Variants in LARP4B observed in about 807,000 individuals in gnomAD.
The protein encoded by LARP4B is la-related protein 4B.
LARP4B carries 12 observed loss-of-function variants against 89.8 expected under a neutral mutation model. The observed-to-expected ratio is 0.13, with a 90% CI of 0.09 to 0.22. The LOEUF (loss-of-function observed/expected upper bound fraction) is 0.22. LARP4B is among the 10% of genes least tolerant of loss of function. The probability of loss-of-function intolerance (pLI) is 1.00; values close to 1 mark genes in which losing one functional copy is unlikely to be tolerated. For synonymous variants in LARP4B, 367 were observed against 363.3 expected, an observed-to-expected ratio of 1.01 and a Z score of -0.12; for missense variants, 757 against 947.7, an observed-to-expected ratio of 0.80 and a Z score of 2.64.
intron 3 of LARP4B, among the ~76,000 whole-genome samples, chr10:881,866 G>A (rs139246351): frequency 3.3e-5 from 5 of 152,296 alleles, no homozygotes; most frequent in East Asian, 1.9e-4. Flanking sequence ...TGTATCTCAC[G>A]CTCATCTGAA....
upstream of LARP4B, among the ~76,000 whole-genome samples, chr10:933,864 C>CGAGA (rs1327104568): frequency 6.6e-6 from 1 of 151,754 alleles, no homozygotes; most frequent in Non-Finnish European, 1.5e-5. Flanking sequence ...ACTGACTCTC[C>CGAGA]CTCTGTCACC....
At position 810,614 on chromosome 10, in the gene LARP4B, A is replaced by G. The variant is rs1404351433; in HGVS notation, c.*2312T>C. 1 of 152,234 alleles carries G rather than the reference A, an allele frequency of 6.6e-6. No individual in the cohort carries two copies. Among genetic ancestry groups the G allele is most frequent in the African/African-American group, 2.4e-5 (1 of 41,452 alleles). 9.4% of individuals were successfully genotyped at this position (152,234 alleles called of 1,614,324 possible). ...ACCTTGGGGGAAAGGACTTCTCATT[A>G]TTAAAAACCAAGGACTCACTGGCGG... On this transcript the variant is annotated 3_prime_UTR_variant, in exon 18 of 18. Coordinates refer to ENST00000316157, the MANE Select transcript of LARP4B (RefSeq NM_015155.3).
chr10:944,466 T>A, the LARP4B span, among the ~76,000 whole-genome samples: 1 of 152,190 alleles, frequency 6.6e-6, no homozygotes, highest in Non-Finnish European at 1.5e-5. Flanking sequence ...CCCTGCCCTG[T>A]CACCCCCAAG....
intron 3 of LARP4B, among the ~76,000 whole-genome samples, chr10:865,532 C>A (rs558869861): frequency 2.0e-5 from 3 of 152,336 alleles, no homozygotes; most frequent in East Asian, 1.9e-4. Context: ...TCTGGGCACA[C>A]TGGCACTTTT....
chr10:848,012 G>GA (rs1023321848), intron 5 of LARP4B, among the ~76,000 whole-genome samples: 4 of 152,216 alleles, frequency 2.6e-5, no homozygotes, highest in African/African-American at 9.6e-5. Flanking sequence ...GAGCTCCAGA[G>GA]AACCACAGGG....
chr10:889,544 TTC>T (rs1339663802), intron 1 of LARP4B, among the ~76,000 whole-genome samples: 2 of 152,256 alleles, frequency 1.3e-5, no homozygotes, highest in Non-Finnish European at 2.9e-5. Flanking sequence ...AGGAACTGAC[TTC>T]TTTCTCATCA....
At chr10:887,893 C>G (rs1054759081) in intron 1 of LARP4B, among the ~76,000 whole-genome samples, 2 of 151,456 alleles carry the variant, frequency 1.3e-5, no homozygotes, top group African/African-American at 2.4e-5. Flanking sequence ...CATGGTGGCA[C>G]ATGCCTGTAT....
chr10:839,950 C>T (rs1833440899), intron 7 of LARP4B, among the ~76,000 whole-genome samples: 1 of 152,172 alleles, frequency 6.6e-6, no homozygotes, highest in Non-Finnish European at 1.5e-5. Context: ...GAGAATACTT[C>T]CCAGCAAAAA....
chr10:856,937 G>C (rs1834336093), intron 5 of LARP4B, among the ~76,000 whole-genome samples: 2 of 152,076 alleles, frequency 1.3e-5, no homozygotes, highest in South Asian at 4.1e-4. Flanking sequence ...CCACCTAAGA[G>C]GGGAGGAAAG....
intron 1 of LARP4B, among the ~76,000 whole-genome samples, chr10:889,283 G>A (rs1442650578): frequency 2.0e-5 from 3 of 151,984 alleles, no homozygotes; most frequent in South Asian, 4.2e-4. Flanking sequence ...CCAGTTCAGG[G>A]TAACAGGTGG....
At chr10:867,879 A>C (rs562030569) in intron 3 of LARP4B, among the ~76,000 whole-genome samples, 6 of 151,126 alleles carry the variant, frequency 4.0e-5, no homozygotes, top group African/African-American at 7.3e-5. Flanking sequence ...AAAAAAAAAA[A>C]AAAAAAACTC....
At chr10:841,454 C>T (rs896735669) in intron 7 of LARP4B, among the ~76,000 whole-genome samples, 2 of 152,188 alleles carry the variant, frequency 1.3e-5, no homozygotes, top group Non-Finnish European at 2.9e-5. Flanking sequence ...TGCCCTGGAT[C>T]GCCTATGGGC....
the LARP4B span, among the ~76,000 whole-genome samples, chr10:964,198 C>T: frequency 6.6e-6 from 1 of 152,142 alleles, no homozygotes; most frequent in Non-Finnish European, 1.5e-5. Flanking sequence ...TCCCATGTAG[C>T]TGTGATTACA....
the LARP4B span, chr10:972,581 C>G: frequency 2.8e-5 from 13 of 457,178 alleles, no homozygotes; most frequent in Non-Finnish European, 5.7e-5. Flanking sequence ...GCCACAGCGT[C>G]AGAGTTAGAC....
At chr10:886,680 T>C (rs1201869606) in intron 1 of LARP4B, among the ~76,000 whole-genome samples, 1 of 152,208 alleles carries the variant, frequency 6.6e-6, no homozygotes, top group Non-Finnish European at 1.5e-5. Context: ...TGGGTGAACC[T>C]GAAGGATATT....
intron 11 of LARP4B, among the ~76,000 whole-genome samples, chr10:827,815 G>A (rs1421398740): frequency 6.6e-6 from 1 of 152,196 alleles, no homozygotes; most frequent in Non-Finnish European, 1.5e-5. Flanking sequence ...GTCTCTCTGA[G>A]GTTCTCTCAT....
intron 5 of LARP4B, among the ~76,000 whole-genome samples, chr10:852,532 G>T (rs963240703): frequency 1.9e-4 from 29 of 152,204 alleles, no homozygotes; most frequent in African/African-American, 6.8e-4. Flanking sequence ...ATACTTCATG[G>T]TGAAATACTG....
intron 8 of LARP4B, 22 bp downstream of exon 8, chr10:836,381 C>G: frequency 6.8e-7 from 1 of 1,466,898 alleles, no homozygotes; most frequent in Non-Finnish European, 9.5e-7. Flanking sequence ...TCCAAGTAAC[C>G]TTCAGAGGAG....
chr10:830,303 G>A lies in LARP4B; in HGVS notation c.861+564C>T, dbSNP rs115275335. Among the ~76,000 whole-genome samples the A allele has an allele frequency of 1.3e-3, 201 of 152,236 alleles. 1 individual carries two copies. Among genetic ancestry groups the A allele is most frequent in the African/African-American group, 4.7e-3 (197 of 41,516 alleles). On this transcript the variant is annotated intron_variant, in intron 9 of 17. Transcript: ENST00000316157. ...CACAAAAATGGTTACTCTATCTTCC[G>A]TTCCCCTTTTCCCCCTCCATCCAAT...
Sources: gnomAD v4.1 joint callset for allele counts (sites outside exome capture counted in the v4.1 genomes callset) on GRCh38, gnomAD v4.1.1 for gene constraint, MANE v1.5 for transcripts, NCBI Gene and HGNC (gene_info 2026-07-23, HGNC 2026-07-21) for gene names.